Variants in LRMDA observed in about 807,000 individuals in gnomAD.
LRMDA encodes the protein leucine rich melanocyte differentiation associated.
A neutral mutation model predicts 29.8 loss-of-function variants in LRMDA; 18 were observed. That is an observed-to-expected ratio of 0.60 (90% CI 0.42 to 0.90). The LOEUF is 0.90. Ranked by LOEUF, LRMDA falls within the 40% of genes least tolerant of loss-of-function variation. LRMDA has a pLI of 0.00. For missense variants in LRMDA, 273 were observed against 273.9 expected (o/e 1.00, Z 0.02); for synonymous variants, 125 against 109.4 (o/e 1.14, Z -0.89).
intron 2 of LRMDA, among the ~76,000 whole-genome samples, chr10:75,877,656 G>A (rs1419258024): frequency 1.3e-5 from 2 of 152,196 alleles, no homozygotes; most frequent in African/African-American, 4.8e-5. Context: ...GAGGATAATA[G>A]GATGGGTACA....
At position 76,091,618 on chromosome 10, in the gene LRMDA, C is replaced by T. The variant is rs1412119014; in HGVS notation, c.516+32835C>T. Among the ~76,000 whole-genome samples, 6 of 152,224 alleles carry T rather than the reference C, an allele frequency of 3.9e-5. No homozygotes were observed. In the East Asian group the frequency reaches 9.7e-4, roughly 25 times the overall value. On this transcript the variant is annotated intron_variant, in intron 5 of 6. Transcript: ENST00000611255. ...GTGCTCAGTCTTTCTCATCCCACCC[C>T]AGGATCTGCCTCCCTGGTGCTTCCT...
At chr10:75,600,279 G>A (rs1036573880) in intron 2 of LRMDA, among the ~76,000 whole-genome samples, 2 of 152,164 alleles carry the variant, frequency 1.3e-5, no homozygotes, top group African/African-American at 4.8e-5. Flanking sequence ...TGAAGGGCAT[G>A]CCCAAATCTG....
At chr10:75,819,412 G>T (rs997560734) in intron 2 of LRMDA, among the ~76,000 whole-genome samples, 17 of 152,178 alleles carry the variant, frequency 1.1e-4, no homozygotes, top group Non-Finnish European at 7.3e-5. Flanking sequence ...GAAATTTGGG[G>T]AGTAGAGGAG....
intron 6 of LRMDA, among the ~76,000 whole-genome samples, chr10:76,432,776 T>C (rs1208557514): frequency 6.6e-6 from 1 of 152,176 alleles, no homozygotes; most frequent in Admixed American, 6.5e-5. Flanking sequence ...AGCCTTGAAA[T>C]TGCTCTTTGG....
chr10:76,369,285 T>G (rs904121049), intron 6 of LRMDA, among the ~76,000 whole-genome samples: 2 of 152,214 alleles, frequency 1.3e-5, no homozygotes, highest in Admixed American at 1.3e-4. Flanking sequence ...GAGCTCCTTT[T>G]ATCAGTTCTT....
chr10:75,697,852 C>T (rs2395294), intron 2 of LRMDA, among the ~76,000 whole-genome samples: 1,187 of 97,170 alleles, frequency 0.012, 22 homozygotes, highest in African/African-American at 0.048. Context: ...TGTGTGTGTG[C>T]GTGTGTGTGT....
At position 76,491,218 on chromosome 10, in the gene LRMDA, A is replaced by G. The variant is rs114921986; in HGVS notation, c.602-65991A>G. Among the ~76,000 whole-genome samples the G allele has an allele frequency of 5.0e-3, 768 of 152,112 alleles. 1 individual carries two copies. The highest frequency in any genetic ancestry group is 0.017 in the African/African-American group (724 of 41,542). The stretch of plus-strand genomic sequence containing the variant: ...GAATAAGAATAGTTTACATACCACA[A>G]TTGCAGTGTTATAATATTCTGTGTT... On this transcript the variant is annotated intron_variant, in intron 6 of 6. Transcript: ENST00000611255.
intron 5 of LRMDA, among the ~76,000 whole-genome samples, chr10:76,152,410 A>G (rs1733539370): frequency 1.3e-5 from 2 of 152,206 alleles, no homozygotes; most frequent in African/African-American, 4.8e-5. Context: ...TATTTTATCT[A>G]TCCATTAATC....
chr10:75,969,932 T>C (rs546208605), intron 2 of LRMDA, among the ~76,000 whole-genome samples: 11 of 152,356 alleles, frequency 7.2e-5, no homozygotes, highest in African/African-American at 2.6e-4. Flanking sequence ...ACTGTGTTTA[T>C]CAAGGGCTCT....
At chr10:76,062,579 G>C (rs560137576) in intron 5 of LRMDA, among the ~76,000 whole-genome samples, 1 of 151,710 alleles carries the variant, frequency 6.6e-6, no homozygotes, top group Admixed American at 6.6e-5. Context: ...AGCTCTGATT[G>C]TTGTAGAGAA....
chr10:76,411,336 T>C (rs1841959263), intron 6 of LRMDA, among the ~76,000 whole-genome samples: 1 of 152,148 alleles, frequency 6.6e-6, no homozygotes, highest in South Asian at 2.1e-4. Context: ...TCATCCAGAT[T>C]TATGCTGCAT....
intron 2 of LRMDA, among the ~76,000 whole-genome samples, chr10:75,994,328 A>G (rs1003682985): frequency 5.9e-5 from 9 of 152,214 alleles, no homozygotes; most frequent in African/African-American, 2.2e-4. Context: ...CTACAAGCCA[A>G]TCAGGAAGAC....
intron 6 of LRMDA, among the ~76,000 whole-genome samples, chr10:76,358,982 A>G (rs1266826762): frequency 6.6e-6 from 1 of 152,134 alleles, no homozygotes; most frequent in African/African-American, 2.4e-5. Context: ...TCATCAGCAC[A>G]CAGATGTTCG....
At chr10:76,525,739 A>G (rs1310806054) in intron 6 of LRMDA, among the ~76,000 whole-genome samples, 1 of 152,190 alleles carries the variant, frequency 6.6e-6, no homozygotes, top group Non-Finnish European at 1.5e-5. Context: ...TGTTAACTCT[A>G]GAAGATAAGA....
chr10:76,527,227 T>C (rs901618560), intron 6 of LRMDA, among the ~76,000 whole-genome samples: 11 of 152,102 alleles, frequency 7.2e-5, no homozygotes, highest in Non-Finnish European at 1.3e-4. Context: ...GTGAATGTGC[T>C]GTCTTCTGAG....
intron 5 of LRMDA, among the ~76,000 whole-genome samples, chr10:76,171,005 G>A (rs1837727595): frequency 6.6e-6 from 1 of 152,184 alleles, no homozygotes; most frequent in South Asian, 2.1e-4. Flanking sequence ...ACTAAACACA[G>A]CACTAGGTTA....
At chr10:76,133,287 A>C (rs1850032997) in intron 5 of LRMDA, among the ~76,000 whole-genome samples, 1 of 147,320 alleles carries the variant, frequency 6.8e-6, no homozygotes. Flanking sequence ...TGTGTGTGTA[A>C]ATTTTCTTAA....
At chr10:75,904,066 T>A (rs1845720983) in intron 2 of LRMDA, among the ~76,000 whole-genome samples, 1 of 152,220 alleles carries the variant, frequency 6.6e-6, no homozygotes. Flanking sequence ...CGGCTGTGGC[T>A]GGGATGCTGT....
Position 76,504,871 on chromosome 10 carries a change from A to T in LRMDA, c.602-52338A>T, listed in dbSNP as rs533492191. 9.2e-5 allele frequency among the ~76,000 whole-genome samples: 14 copies of T among 151,946 alleles called. No individual in the cohort carries two copies. The South Asian group carries it at 2.9e-3, about 32-fold the overall frequency. Reference sequence around the variant, plus strand: ...GTTAGCTGGTTGTTTTGTAGAATTGATTGTGTAGTTTCTTTATAGTGTCTG... The same window carrying T: ...GTTAGCTGGTTGTTTTGTAGAATTGTTTGTGTAGTTTCTTTATAGTGTCTG... On this transcript the variant is annotated intron_variant, in intron 6 of 6. Coordinates refer to ENST00000611255, the MANE Select transcript of LRMDA (RefSeq NM_001305581.2).
Sources: allele counts gnomAD v4.1 joint callset (sites outside exome capture counted in the v4.1 genomes callset), GRCh38; gene constraint gnomAD v4.1.1; transcripts MANE v1.5; gene names NCBI Gene and HGNC (gene_info 2026-07-23, HGNC 2026-07-21).